Variants in DENND5B observed in about 807,000 individuals in gnomAD.
DENND5B encodes DENN domain containing 5B, also known as DENN domain-containing protein 5B.
A neutral mutation model predicts 140.6 loss-of-function variants in DENND5B; 34 were observed. That is an observed-to-expected ratio of 0.24 (90% CI 0.18 to 0.32). The LOEUF is 0.32. Among genes scored for constraint, DENND5B ranks in the 10% least tolerant of loss-of-function variants. The probability of loss-of-function intolerance (pLI) is 1.00; values close to 1 mark genes in which losing one functional copy is unlikely to be tolerated. For missense variants in DENND5B, 1,142 were observed against 1,560.2 expected, an observed-to-expected ratio of 0.73 and a Z score of 4.52; for synonymous variants, 551 against 562.1, an observed-to-expected ratio of 0.98 and a Z score of 0.28.
chr12:31,478,373 T>A (rs995823617), intron 3 of DENND5B, among the ~76,000 whole-genome samples: 10 of 152,194 alleles, frequency 6.6e-5, no homozygotes, highest in Non-Finnish European at 1.3e-4. Flanking sequence ...CAGTCGGGAT[T>A]GCACTACAAT....
intron 7 of DENND5B, among the ~76,000 whole-genome samples, chr12:31,437,404 G>C (rs1433332768): frequency 1.3e-5 from 2 of 152,112 alleles, no homozygotes; most frequent in Non-Finnish European, 2.9e-5. Context: ...AAAGTGCTGG[G>C]ATTACAGGCG....
chr12:31,423,275 A>T (rs1359469191), intron 11 of DENND5B, among the ~76,000 whole-genome samples: 1 of 152,114 alleles, frequency 6.6e-6, no homozygotes, highest in Non-Finnish European at 1.5e-5. Flanking sequence ...TTCTAATGCT[A>T]GTGAGAGTAA....
At chr12:31,489,336 G>A (rs145521337) in intron 2 of DENND5B, among the ~76,000 whole-genome samples, 280 of 136,170 alleles carry the variant, frequency 2.1e-3, no homozygotes, top group Middle Eastern at 3.5e-3. Flanking sequence ...CCCATGTTTT[G>A]CATTAGATCT....
intron 8 of DENND5B, among the ~76,000 whole-genome samples, chr12:31,428,385 T>C (rs1456572420): frequency 6.6e-6 from 1 of 151,956 alleles, no homozygotes; most frequent in Admixed American, 6.6e-5. Context: ...TATACATAAA[T>C]GTTATGAGAA....
intron 1 of DENND5B, among the ~76,000 whole-genome samples, chr12:31,518,423 A>G (rs555937887): frequency 6.6e-6 from 1 of 152,314 alleles, no homozygotes; most frequent in East Asian, 1.9e-4. Flanking sequence ...CCCAGTCTCA[A>G]AGACAGTGTC....
chr12:31,430,649 G>A (rs1177235795), intron 8 of DENND5B, among the ~76,000 whole-genome samples: 1 of 152,030 alleles, frequency 6.6e-6, no homozygotes, highest in Non-Finnish European at 1.5e-5. Context: ...GACAGAGGGA[G>A]ACTCCGTCTC....
At chr12:31,450,121 G>A (rs1944449635) in intron 5 of DENND5B, among the ~76,000 whole-genome samples, 1 of 152,178 alleles carries the variant, frequency 6.6e-6, no homozygotes, top group South Asian at 2.1e-4. Flanking sequence ...TTAAAGAAGT[G>A]AAGTCTTGTT....
At chr12:31,555,617 GCTGT>G (rs1949250555) in intron 1 of DENND5B, among the ~76,000 whole-genome samples, 1 of 152,244 alleles carries the variant, frequency 6.6e-6, no homozygotes, top group South Asian at 2.1e-4. Flanking sequence ...AGAGGTTACT[GCTGT>G]CTTTTTGTCT....
intron 5 of DENND5B, among the ~76,000 whole-genome samples, chr12:31,449,753 A>G (rs1348757563): frequency 5.6e-5 from 2 of 35,960 alleles, no homozygotes; most frequent in Non-Finnish European, 1.7e-4. Flanking sequence ...TTTTTTTGAG[A>G]CAGAGTCTCG....
At chr12:31,551,546 GCT>G (rs1241235744) in intron 1 of DENND5B, among the ~76,000 whole-genome samples, 2 of 152,160 alleles carry the variant, frequency 1.3e-5, no homozygotes, top group Non-Finnish European at 2.9e-5. Flanking sequence ...GGCGATGCAG[GCT>G]CTTTTTCTGG....
intron 8 of DENND5B, among the ~76,000 whole-genome samples, chr12:31,428,459 T>C (rs1943347959): frequency 6.6e-6 from 1 of 152,124 alleles, no homozygotes; most frequent in African/African-American, 2.4e-5. Context: ...TGAACAGCAG[T>C]GGTGCAATCT....
At chr12:31,493,867 T>C (rs754957919) in intron 2 of DENND5B, among the ~76,000 whole-genome samples, 4 of 152,088 alleles carry the variant, frequency 2.6e-5, no homozygotes, top group African/African-American at 9.7e-5. Flanking sequence ...AACTCAAAAA[T>C]AGCAATGGCT....
At chr12:31,556,506 G>A (rs1949285729) in intron 1 of DENND5B, among the ~76,000 whole-genome samples, 1 of 152,038 alleles carries the variant, frequency 6.6e-6, no homozygotes, top group African/African-American at 2.4e-5. Context: ...CCAGCTAAAA[G>A]GCCATTCTTA....
chr12:31,405,672 CAAG>C (rs1942090060), intron 14 of DENND5B, among the ~76,000 whole-genome samples: 1 of 150,746 alleles, frequency 6.6e-6, no homozygotes, highest in Non-Finnish European at 1.5e-5. Flanking sequence ...CTTAGCCTCC[CAAG>C]TAGTTGGGAT....
At chr12:31,499,547 GCAGT>G in intron 1 of DENND5B, 56 of 1,314,492 alleles carry the variant, frequency 4.3e-5, no homozygotes, top group Non-Finnish European at 5.6e-5. Context: ...TAATGGGCTT[GCAGT>G]CAATTAAAAT....
At chr12:31,416,922 CTTT>C (rs34652580) in intron 11 of DENND5B, among the ~76,000 whole-genome samples, 9 of 130,304 alleles carry the variant, frequency 6.9e-5, no homozygotes, top group Non-Finnish European at 9.5e-5. Flanking sequence ...TTTTAATTAG[CTTT>C]TTTTTTTTTT....
At chr12:31,569,601 G>A (rs909367365) in intron 1 of DENND5B, among the ~76,000 whole-genome samples, 4 of 152,092 alleles carry the variant, frequency 2.6e-5, no homozygotes, top group African/African-American at 9.7e-5. Context: ...TTGAGGCCAG[G>A]AGTTCAAGAC....
chr12:31,496,558 C>A lies in DENND5B; in HGVS notation c.128-639G>T, dbSNP rs369345799. On this transcript the variant is annotated intron_variant, in intron 1 of 20. Coordinates refer to ENST00000389082, the MANE Select transcript of DENND5B (RefSeq NM_144973.4). ...ATTCTGGAAACATAAAAGTAGGCTA[C>A]ATTTTAATTACTAAGAAAATTCAGG... 8.5e-5 allele frequency among the ~76,000 whole-genome samples: 13 copies of A among 152,234 alleles called. No homozygotes were observed. In the South Asian group the frequency reaches 2.7e-3, roughly 32 times the overall value.
At chr12:31,464,891 G>C (rs911058214) in intron 3 of DENND5B, among the ~76,000 whole-genome samples, 1 of 152,128 alleles carries the variant, frequency 6.6e-6, no homozygotes, top group African/African-American at 2.4e-5. Context: ...TCTCAGAATT[G>C]TTAACATTCA....
Sources: allele counts gnomAD v4.1 joint callset (sites outside exome capture counted in the v4.1 genomes callset), GRCh38; gene constraint gnomAD v4.1.1; transcripts MANE v1.5; gene names NCBI Gene and HGNC (gene_info 2026-07-23, HGNC 2026-07-21).